Variants in NBEAL1 observed in about 807,000 individuals in gnomAD.
The protein encoded by NBEAL1 is neurobeachin-like protein 1.
A neutral mutation model predicts 351.3 loss-of-function variants in NBEAL1; 273 were observed. That is an observed-to-expected ratio of 0.78 (90% CI 0.70 to 0.86). NBEAL1 has a LOEUF of 0.86. Among genes scored for constraint, NBEAL1 ranks in the 40% least tolerant of loss-of-function variants. The pLI is 0.00. For missense variants in NBEAL1, 2,961 were observed against 3,201.3 expected (o/e 0.92, Z 1.81); for synonymous variants, 1,050 against 1,086.4 (o/e 0.97, Z 0.66).
chr2:203,041,749 G>T lies in NBEAL1; in HGVS notation c.52-16G>T. ...TGATAGGCATACTTAATATTATAAT[G>T]GTTTTGTTATTTCAGAAAGATCCAG... On this transcript the variant is annotated splice_polypyrimidine_tract_variant and intron_variant, in intron 2 of 55. Transcript: ENST00000683969. 1 of 1,529,714 alleles carries T rather than the reference G, an allele frequency of 6.5e-7. No individual in the cohort carries two copies. Among genetic ancestry groups the T allele is most frequent in the Non-Finnish European group, 8.9e-7 (1 of 1,128,282 alleles). 94.8% of individuals were successfully genotyped at this position (1,529,714 alleles called of 1,614,324 possible).
intron 34 of NBEAL1, 36 bp downstream of exon 34, chr2:203,149,184 CT>C: frequency 6.6e-7 from 1 of 1,507,940 alleles, no homozygotes; most frequent in South Asian, 1.4e-5. Context: ...ACTCCTTTTT[CT>C]TTAGTACTCT....
At chr2:203,015,472 C>T (rs886747491) in intron 1 of NBEAL1, among the ~76,000 whole-genome samples, 1 of 151,526 alleles carries the variant, frequency 6.6e-6, no homozygotes, top group African/African-American at 2.4e-5. Flanking sequence ...CCACCCCCAC[C>T]CCACCCCAGA....
At position 203,041,814 on chromosome 2, in the gene NBEAL1, A is replaced by G. The variant is rs934243430; in HGVS notation, c.101A>G (p.Tyr34Cys). ...TGGTTGGACACTTTTGTTTCTAGCTATGAACAATTTTTAGACGTTGACTTT... is the reference window on the plus strand; with the variant it reads ...TGGTTGGACACTTTTGTTTCTAGCTGTGAACAATTTTTAGACGTTGACTTT... ...KLWLDTFVSS[Y>C]EQFLDVDFEK... Residue 34 changes from tyrosine to cysteine, a missense_variant, in exon 3 of 56, where the codon TAT becomes TGT. Coordinates refer to ENST00000683969, the MANE Select transcript of NBEAL1 (RefSeq NM_001378026.1). 3.2e-6 allele frequency: 5 copies of G among 1,554,370 alleles called. No homozygotes were observed. The highest frequency in any genetic ancestry group is 4.4e-6 in the Non-Finnish European group (5 of 1,147,670).
At chr2:203,131,577 C>G (rs2063073785) in intron 25 of NBEAL1, among the ~76,000 whole-genome samples, 1 of 152,130 alleles carries the variant, frequency 6.6e-6, no homozygotes, top group Admixed American at 6.6e-5. Context: ...TTCTTTTATG[C>G]CTATTGTTCC....
chr2:203,129,891 A>T (rs1214338320), intron 24 of NBEAL1, among the ~76,000 whole-genome samples: 1 of 152,222 alleles, frequency 6.6e-6, no homozygotes, highest in Non-Finnish European at 1.5e-5. Flanking sequence ...AGACAAAAGC[A>T]TATCTGGTTC....
chr2:203,063,199 G>T (rs147243568), intron 6 of NBEAL1, among the ~76,000 whole-genome samples: 5 of 151,406 alleles, frequency 3.3e-5, no homozygotes, highest in African/African-American at 9.7e-5. Context: ...AATCAGCCAG[G>T]CATGGTGGCT....
intron 35 of NBEAL1, among the ~76,000 whole-genome samples, chr2:203,154,104 C>T (rs1575054318): frequency 6.7e-6 from 1 of 150,142 alleles, no homozygotes; most frequent in African/African-American, 2.5e-5. Flanking sequence ...GGCGTAGTGA[C>T]GTGCACCTGT....
intron 40 of NBEAL1, 97 bp downstream of exon 40, chr2:203,172,120 T>G: frequency 1.8e-6 from 1 of 549,606 alleles, no homozygotes; most frequent in Non-Finnish European, 2.9e-6. Context: ...TTAAAAAATA[T>G]AAAAACACTT....
At chr2:203,199,030 A>G (rs1281424365) in intron 48 of NBEAL1, among the ~76,000 whole-genome samples, 1 of 149,448 alleles carries the variant, frequency 6.7e-6, no homozygotes, top group South Asian at 2.1e-4. Flanking sequence ...TCTACAAAAA[A>G]TACAAAGAAT....
intron 39 of NBEAL1, among the ~76,000 whole-genome samples, chr2:203,170,458 G>C (rs2064285732): frequency 6.6e-6 from 1 of 152,016 alleles, no homozygotes; most frequent in Non-Finnish European, 1.5e-5. Context: ...GGCCTGGAAA[G>C]GGCCAAAAAA....
At chr2:203,088,609 C>G (rs1257856093) in intron 10 of NBEAL1, among the ~76,000 whole-genome samples, 1 of 152,128 alleles carries the variant, frequency 6.6e-6, no homozygotes, top group Non-Finnish European at 1.5e-5. Flanking sequence ...AATCTTGTGG[C>G]CACTTTGACA....
intron 35 of NBEAL1, among the ~76,000 whole-genome samples, chr2:203,152,639 G>A (rs930474651): frequency 7.2e-5 from 11 of 151,786 alleles, no homozygotes; most frequent in African/African-American, 1.9e-4. Context: ...AGATCTTAAC[G>A]GGTTTCTGCA....
intron 44 of NBEAL1, 106 bp downstream of exon 44, chr2:203,183,494 T>A: frequency 1.5e-6 from 1 of 649,010 alleles, no homozygotes; most frequent in Admixed American, 3.1e-5. Context: ...TAATTTGTAA[T>A]CTATTATATA....
intron 35 of NBEAL1, among the ~76,000 whole-genome samples, chr2:203,155,784 C>T (rs933221468): frequency 6.6e-6 from 1 of 152,088 alleles, no homozygotes; most frequent in African/African-American, 2.4e-5. Context: ...GCTGCTTAAC[C>T]TCCTACTTTT....
At chr2:203,021,198 T>G (rs1056263831) in intron 2 of NBEAL1, among the ~76,000 whole-genome samples, 1 of 151,304 alleles carries the variant, frequency 6.6e-6, no homozygotes, top group Non-Finnish European at 1.5e-5. Context: ...GCCGGGCTGG[T>G]CTTGAACTCC....
At position 203,169,799 on chromosome 2, in the gene NBEAL1, A is replaced by G. The variant is rs776391279; in HGVS notation, c.6050A>G (p.Tyr2017Cys). 6.2e-7 allele frequency: 1 copy of G among 1,610,816 alleles called. No individual in the cohort carries two copies. Among genetic ancestry groups the G allele is most frequent in the South Asian group, 1.1e-5 (1 of 90,504 alleles). Residue 2017 changes from tyrosine (Y) to cysteine (C), a missense_variant, in exon 39 of 56, where the codon TAT becomes TGT. Coordinates refer to ENST00000683969, the MANE Select transcript of NBEAL1 (RefSeq NM_001378026.1). ...TTGTCACTTCATTCCCCAAATAGTT[A>G]TTATGGAAGCAGATCACCACAGGAG... ...RLLSLHSPNS[Y>C]YGSRSPQELF...
At chr2:203,116,382 A>C (rs1336159853) in intron 18 of NBEAL1, among the ~76,000 whole-genome samples, 1 of 152,204 alleles carries the variant, frequency 6.6e-6, no homozygotes, top group East Asian at 1.9e-4. Flanking sequence ...GTTTACTGGA[A>C]GGAAAGATGA....
At chr2:203,073,097 T>A (rs1252465196) in intron 7 of NBEAL1, among the ~76,000 whole-genome samples, 7 of 152,146 alleles carry the variant, frequency 4.6e-5, no homozygotes, top group Non-Finnish European at 7.3e-5. Flanking sequence ...TGAGACAGAA[T>A]CTTGCTATAT....
chr2:203,138,250 G>T lies in NBEAL1; in HGVS notation c.4654G>T (p.Val1552Leu). The change falls in exon 30 of 56, where the codon GTG becomes TTG. Residue 1552 changes from valine to leucine, a missense_variant. By Grantham distance (32) the Val-to-Leu change is conservative. Coordinates refer to ENST00000683969, the MANE Select transcript of NBEAL1 (RefSeq NM_001378026.1). ...PVTAENAFRLVLIIQDFLQSE... is the reference protein window; with the variant it reads ...PVTAENAFRLLLIIQDFLQSE... ...AACTGCTGAAAACGCCTTCCGACTAGTGCTGATCATACAGGACTTTCTTCA... is the reference window on the plus strand; with the variant it reads ...AACTGCTGAAAACGCCTTCCGACTATTGCTGATCATACAGGACTTTCTTCA... The T allele has an allele frequency of 6.2e-7, 1 of 1,614,088 alleles. No homozygotes were observed. Among genetic ancestry groups the T allele is most frequent in the South Asian group, 1.1e-5 (1 of 91,074 alleles).
Sources: gnomAD v4.1 joint callset for allele counts (sites outside exome capture counted in the v4.1 genomes callset) on GRCh38, gnomAD v4.1.1 for gene constraint, MANE v1.5 for transcripts, NCBI Gene and HGNC (gene_info 2026-07-23, HGNC 2026-07-21) for gene names.